The following PHACTR1 variants were observed in gnomAD, a reference collection of about 807,000 sequenced individuals.
The protein encoded by PHACTR1 is phosphatase and actin regulator 1, also known as RPEL repeat containing 1.
PHACTR1 carries 16 observed loss-of-function variants against 69.2 expected under a neutral mutation model. The observed-to-expected ratio is 0.23, with a 90% CI of 0.16 to 0.35. The LOEUF (loss-of-function observed/expected upper bound fraction) is 0.35, where lower values mean the gene tolerates loss of function less well. Among genes scored for constraint, PHACTR1 ranks in the 10% least tolerant of loss-of-function variants. The pLI is 1.00. For synonymous variants in PHACTR1, 312 were observed against 284.5 expected (o/e 1.10, Z -0.97); for missense variants, 510 against 734.7 (o/e 0.69, Z 3.54).
intron 4 of PHACTR1, among the ~76,000 whole-genome samples, chr6:13,005,196 TTC>T (rs1396354272): frequency 3.3e-5 from 5 of 150,872 alleles, no homozygotes; most frequent in Non-Finnish European, 4.4e-5. Flanking sequence ...TCTTTTTTCT[TTC>T]TTTTTTTTTT....
At chr6:13,151,763 G>A (rs1583599912) in intron 5 of PHACTR1, among the ~76,000 whole-genome samples, 1 of 152,264 alleles carries the variant, frequency 6.6e-6, no homozygotes, top group East Asian at 1.9e-4. Context: ...GGTCTGGGAA[G>A]GTATGACTGT....
rs1367571964 is a variant in PHACTR1 at position 13,185,133 on chromosome 6, T to G, written c.664+2447T>G. On this transcript the variant is annotated intron_variant, in intron 7 of 14. Transcript: ENST00000332995. ...GAGGTTGCCCTGTGGGATGTTTGGG[T>G]GTTTCTGTGTGTGTCTTGATATCTG... 9.4e-6 allele frequency: 6 copies of G among 639,798 alleles called. No homozygotes were observed. The Admixed American group carries it at 2.2e-4, about 24-fold the overall frequency. 39.6% of individuals were successfully genotyped at this position (639,798 alleles called of 1,614,324 possible). A position where few individuals can be genotyped will look rare whatever the true frequency, so the allele number is the denominator to read the frequency against.
chr6:12,901,589 G>A (rs1245911564), intron 4 of PHACTR1, among the ~76,000 whole-genome samples: 2 of 152,130 alleles, frequency 1.3e-5, no homozygotes, highest in Non-Finnish European at 2.9e-5. Flanking sequence ...CCGCCTCCTG[G>A]GTTCAAGCAA....
In PHACTR1 at chr6:13,227,703, A is replaced by G. The variant is rs1584076973; in HGVS notation, c.987-113A>G. 3 of 1,375,328 alleles carry G rather than the reference A, an allele frequency of 2.2e-6. No homozygotes were observed. The East Asian group carries it at 6.9e-5, about 32-fold the overall frequency. 85.2% of individuals were successfully genotyped at this position (1,375,328 alleles called of 1,614,324 possible). A position where few individuals can be genotyped will look rare whatever the true frequency, so the allele number is the denominator to read the frequency against. ...ATGAGCAATGGAACTTTACTTGCCC[A>G]GTAGACCCTTTGTCTCTTAGGACTG... is the stretch of plus-strand genomic sequence containing the variant. On this transcript the variant is annotated intron_variant, in intron 8 of 14. Transcript: ENST00000332995.
intron 4 of PHACTR1, among the ~76,000 whole-genome samples, chr6:13,024,166 T>C (rs1394334134): frequency 2.0e-5 from 3 of 152,110 alleles, no homozygotes; most frequent in Admixed American, 2.0e-4. Context: ...AGGGAGATGT[T>C]GCTGATTCTG....
intron 5 of PHACTR1, among the ~76,000 whole-genome samples, chr6:13,109,029 A>T (rs1287181200): frequency 6.6e-6 from 1 of 152,070 alleles, no homozygotes; most frequent in African/African-American, 2.4e-5. Context: ...ATTTTATCGC[A>T]GTCTACCTTC....
At chr6:13,244,181 A>G (rs1191284425) in intron 10 of PHACTR1, among the ~76,000 whole-genome samples, 1 of 152,132 alleles carries the variant, frequency 6.6e-6, no homozygotes, top group Non-Finnish European at 1.5e-5. Context: ...AAGCCACAAA[A>G]ACCAGCAAGT....
intron 4 of PHACTR1, among the ~76,000 whole-genome samples, chr6:12,887,154 C>G (rs920481288): frequency 1.8e-4 from 28 of 152,150 alleles, no homozygotes; most frequent in African/African-American, 6.8e-4. Context: ...TTACTTCAGC[C>G]AGTCCCTCCC....
chr6:12,784,196 A>G (rs980447999), intron 4 of PHACTR1, among the ~76,000 whole-genome samples: 11 of 152,038 alleles, frequency 7.2e-5, no homozygotes, highest in African/African-American at 2.7e-4. Flanking sequence ...AGATATACAT[A>G]TATATCTATA....
At chr6:13,073,208 T>C (rs1190519685) in intron 5 of PHACTR1, among the ~76,000 whole-genome samples, 1 of 129,386 alleles carries the variant, frequency 7.7e-6, no homozygotes, top group African/African-American at 4.3e-5. Context: ...ACAAATGGTA[T>C]CTGATAACAG....
chr6:12,975,490 G>A (rs553540663), intron 4 of PHACTR1, among the ~76,000 whole-genome samples: 4 of 152,230 alleles, frequency 2.6e-5, no homozygotes, highest in East Asian at 1.9e-4. Flanking sequence ...ATGTTATAGC[G>A]CTGAGACATT....
chr6:13,174,951 T>C (rs1364252596), intron 6 of PHACTR1, among the ~76,000 whole-genome samples: 1 of 152,222 alleles, frequency 6.6e-6, no homozygotes, highest in African/African-American at 2.4e-5. Context: ...GTTGTTATTA[T>C]TACTATCATA....
At chr6:12,821,547 C>A (rs933710816) in intron 4 of PHACTR1, among the ~76,000 whole-genome samples, 1 of 148,862 alleles carries the variant, frequency 6.7e-6, no homozygotes. Context: ...AAACCACAGG[C>A]TGAAACCCCA....
intron 5 of PHACTR1, among the ~76,000 whole-genome samples, chr6:13,113,717 A>G (rs1234802510): frequency 6.6e-6 from 1 of 152,190 alleles, no homozygotes; most frequent in South Asian, 2.1e-4. Flanking sequence ...ACTCCCAGCT[A>G]ATCGGGCTTC....
intron 5 of PHACTR1, among the ~76,000 whole-genome samples, chr6:13,072,019 G>A (rs936893994): frequency 6.6e-6 from 1 of 152,164 alleles, no homozygotes; most frequent in Non-Finnish European, 1.5e-5. Flanking sequence ...TTTATCTGTT[G>A]TAGCACAAAA....
intron 4 of PHACTR1, among the ~76,000 whole-genome samples, chr6:12,983,541 T>G (rs1007290674): frequency 2.6e-5 from 4 of 152,090 alleles, no homozygotes; most frequent in Non-Finnish European, 1.5e-5. Flanking sequence ...ATTTATTTAT[T>G]TATTTATTTA....
At chr6:12,739,604 A>T (rs1283039054) in intron 3 of PHACTR1, among the ~76,000 whole-genome samples, 1 of 152,146 alleles carries the variant, frequency 6.6e-6, no homozygotes, top group Non-Finnish European at 1.5e-5. Flanking sequence ...CAGTGGCATG[A>T]AAATGGCTCA....
At chr6:12,935,751 C>T (rs531837822) in intron 4 of PHACTR1, among the ~76,000 whole-genome samples, 7 of 152,132 alleles carry the variant, frequency 4.6e-5, no homozygotes, top group African/African-American at 1.7e-4. Context: ...ACCTAGGGCC[C>T]TTTCTTTCTT....
intron 4 of PHACTR1, among the ~76,000 whole-genome samples, chr6:13,017,444 C>T (rs1800359471): frequency 1.3e-5 from 2 of 152,022 alleles, no homozygotes; most frequent in Non-Finnish European, 2.9e-5. Flanking sequence ...TGTTTTTTCC[C>T]TCCTTACCTA....
Sources: allele counts gnomAD v4.1 joint callset (sites outside exome capture counted in the v4.1 genomes callset), GRCh38; gene constraint gnomAD v4.1.1; transcripts MANE v1.5; gene names NCBI Gene and HGNC (gene_info 2026-07-23, HGNC 2026-07-21).